Variants in ANK2 observed in about 807,000 individuals in gnomAD.
ANK2 encodes the protein ankyrin-2.
In ANK2, 83 loss-of-function variants were observed where a neutral mutation model predicts 360.5. The ratio of observed to expected loss-of-function variants is 0.23; its 90% CI spans 0.19 to 0.28. The LOEUF (loss-of-function observed/expected upper bound fraction) is 0.28. ANK2 is among the 10% of genes least tolerant of loss of function. The pLI is 1.00. For missense variants in ANK2, 4,201 were observed against 4,795.7 expected, an observed-to-expected ratio of 0.88 and a Z score of 3.66; for synonymous variants, 1,740 against 1,759.5, an observed-to-expected ratio of 0.99 and a Z score of 0.28.
chr4:113,313,788 C>CGG (rs1563673294), intron 24 of ANK2: 1 of 30,676 alleles, frequency 3.3e-5, no homozygotes, highest in Non-Finnish European at 1.4e-4. Flanking sequence ...GTTGCCGGGG[C>CGG]GGGGGGTGAG....
At chr4:112,997,818 A>G (rs2049143441) in intron 2 of ANK2, among the ~76,000 whole-genome samples, 2 of 151,980 alleles carry the variant, frequency 1.3e-5, no homozygotes, top group Admixed American at 1.3e-4. Flanking sequence ...ACACACATAT[A>G]TGCACATATA....
rs555970185 is a variant in ANK2 at position 112,855,341 on chromosome 4, T to C, written c.-40+37077T>C. The stretch of plus-strand genomic sequence containing the variant: ...TCTGCTCTATTGTCTTTGTTCGTTG[T>C]CCACATCTGCTGAAACAACTTTCAG... On this transcript the variant is annotated intron_variant, in intron 1 of 30. Transcript: ENST00000503271. Among the ~76,000 whole-genome samples the C allele has an allele frequency of 9.3e-4, 141 of 152,348 alleles. 1 individual carries two copies. The highest frequency in any genetic ancestry group is 3.2e-3 in the African/African-American group (135 of 41,588).
intron 18 of ANK2, among the ~76,000 whole-genome samples, chr4:113,283,318 C>G (rs528128785): frequency 6.6e-6 from 1 of 152,168 alleles, no homozygotes; most frequent in Non-Finnish European, 1.5e-5. Context: ...GGCCGATGTT[C>G]ACCACCCAAG....
chr4:112,998,629 T>C (rs927860232), intron 2 of ANK2, among the ~76,000 whole-genome samples: 3 of 152,158 alleles, frequency 2.0e-5, no homozygotes, highest in Admixed American at 6.6e-5. Flanking sequence ...GAGATATTAA[T>C]AGGTGGTTGG....
the ANK2 span, among the ~76,000 whole-genome samples, chr4:112,706,048 T>A: frequency 0.012 from 1,773 of 150,530 alleles, 33 homozygotes; most frequent in African/African-American, 0.041. Flanking sequence ...CTGCGGAGAC[T>A]CCGGGCGGGC....
chr4:113,071,500 C>T (rs1418759903), intron 1 of ANK2, among the ~76,000 whole-genome samples: 3 of 152,218 alleles, frequency 2.0e-5, no homozygotes, highest in African/African-American at 4.8e-5. Context: ...GCTTGCTTCT[C>T]TTCCGAGACT....
intron 1 of ANK2, among the ~76,000 whole-genome samples, chr4:113,156,389 A>ATTTTTTTTTTTTTTTTTC (rs1562481290): frequency 8.7e-5 from 12 of 137,926 alleles, no homozygotes; most frequent in African/African-American, 1.1e-4. Flanking sequence ...TTTGTTTTTG[A>ATTTTTTTTTTTTTTTTTC]GACAGAGTTT....
In ANK2 at chr4:113,367,650, G is replaced by A; in HGVS notation, c.11117G>A (p.Cys3706Tyr). Residue 3706 changes from cysteine (C) to tyrosine (Y), a missense_variant, in exon 42 of 46, where the codon TGC (cysteine) becomes TAC (tyrosine). Transcript: ENST00000357077. The part of the protein sequence containing the change: ...EQAVSKESET[C>Y]DHPPIVSEED... ...GCTGTTTCTAAAGAAAGTGAGACCT[G>A]CGATCACCCTCCTATCGTCTCAGAG... 6.2e-7 allele frequency: 1 copy of A among 1,613,764 alleles called. No homozygotes were observed. The highest frequency in any genetic ancestry group is 8.5e-7 in the Non-Finnish European group (1 of 1,179,966).
chr4:113,048,274 ATATTTTTTTTTTTTTTTTTTT>A (rs1415113653), upstream of ANK2, among the ~76,000 whole-genome samples: 1 of 41,732 alleles, frequency 2.4e-5, no homozygotes, highest in Admixed American at 4.0e-4. Context: ...ATATATATAT[ATATTTTTTTTTTTTTTTTTTT>A]TTTTTTTTTT....
intron 1 of ANK2, among the ~76,000 whole-genome samples, chr4:113,166,551 TCAGAAATATCTTTTC>T (rs2097761757): frequency 6.6e-6 from 1 of 152,058 alleles, no homozygotes; most frequent in African/African-American, 2.4e-5. Context: ...AGATATTTCA[TCAGAAATATCTTTTC>T]TAGTTTGTGG....
intron 2 of ANK2, among the ~76,000 whole-genome samples, chr4:113,000,610 T>C (rs1047002768): frequency 6.6e-6 from 1 of 152,166 alleles, no homozygotes; most frequent in Non-Finnish European, 1.5e-5. Flanking sequence ...TCCAGTGACA[T>C]AGAATGATAT....
chr4:113,311,136 C>T, intron 23 of ANK2, 119 bp from the exon 24 acceptor site: 1 of 1,220,228 alleles, frequency 8.2e-7, no homozygotes, highest in Admixed American at 1.7e-5. Flanking sequence ...TTCTAGTGTG[C>T]AGTGCAGTTT....
chr4:112,858,754 G>A (rs993214778), intron 1 of ANK2, among the ~76,000 whole-genome samples: 1 of 152,128 alleles, frequency 6.6e-6, no homozygotes, highest in Admixed American at 6.5e-5. Flanking sequence ...CCCTTTTCTT[G>A]ACTTTCTCTT....
chr4:112,738,740 C>T, the ANK2 span: 2 of 617,714 alleles, frequency 3.2e-6, no homozygotes, highest in South Asian at 2.7e-5. Context: ...TCATCCGGCA[C>T]CAGTCAGACC....
the ANK2 span, among the ~76,000 whole-genome samples, chr4:112,723,369 G>T: frequency 2.9e-4 from 44 of 152,052 alleles, no homozygotes; most frequent in Middle Eastern, 6.8e-3. Flanking sequence ...TTTTTGTGGG[G>T]GAAGCAGGGT....
In ANK2 at chr4:113,360,810, T is replaced by C; in HGVS notation, c.10682-13T>C. ...AGACAACCTTTGGCCATTCTGTTTT[T>C]GACCTTCTCCAGATCCACAGGATGA... On this transcript the variant is annotated splice_polypyrimidine_tract_variant and intron_variant, in intron 38 of 45. Coordinates refer to ENST00000357077, the MANE Select transcript of ANK2 (RefSeq NM_001148.6). 6.2e-7 allele frequency: 1 copy of C among 1,611,264 alleles called. No homozygotes were observed. The highest frequency in any genetic ancestry group is 8.5e-7 in the Non-Finnish European group (1 of 1,178,570).
At chr4:112,712,821 T>G in the ANK2 span, among the ~76,000 whole-genome samples, 3 of 152,252 alleles carry the variant, frequency 2.0e-5, no homozygotes, top group African/African-American at 7.2e-5. Flanking sequence ...AATATAGTTA[T>G]GTATTGACAT....
chr4:113,037,449 A>G (rs569953935), intron 2 of ANK2, among the ~76,000 whole-genome samples: 1 of 152,056 alleles, frequency 6.6e-6, no homozygotes, highest in Non-Finnish European at 1.5e-5. Flanking sequence ...TATACTCTAA[A>G]TGTTTTTGCA....
In ANK2 at chr4:113,120,419, C is replaced by A. The variant is rs557374032; in HGVS notation, c.85-53997C>A. ...AACAAAAAATGGTTAAGTGATTTATCAGCGTTTTCACAAATTTGCGAGACT... is the reference window on the plus strand; with the variant it reads ...AACAAAAAATGGTTAAGTGATTTATAAGCGTTTTCACAAATTTGCGAGACT... On this transcript the variant is annotated intron_variant, in intron 1 of 45. Transcript: ENST00000357077. 1.2e-4 allele frequency among the ~76,000 whole-genome samples: 18 copies of A among 149,814 alleles called. No homozygotes were observed. The South Asian group carries it at 3.5e-3, about 29-fold the overall frequency.
Sources: allele counts gnomAD v4.1 joint callset (sites outside exome capture counted in the v4.1 genomes callset), GRCh38; gene constraint gnomAD v4.1.1; transcripts MANE v1.5; gene names NCBI Gene and HGNC (gene_info 2026-07-23, HGNC 2026-07-21).